The following SH2D3C variants were observed in gnomAD, a reference collection of about 807,000 sequenced individuals.
SH2D3C encodes the protein SH2 domain containing 3C, also known as SH2 domain-containing protein 3C.
A neutral mutation model predicts 75.2 loss-of-function variants in SH2D3C; 25 were observed. The observed-to-expected ratio is 0.33, with a 90% CI of 0.24 to 0.46. The LOEUF (loss-of-function observed/expected upper bound fraction) is 0.46. Among genes scored for constraint, SH2D3C ranks in the 20% least tolerant of loss-of-function variants. The probability of loss-of-function intolerance (pLI) is 1.00; values close to 1 mark genes in which losing one functional copy is unlikely to be tolerated. For synonymous variants in SH2D3C, 450 were observed against 473.7 expected (o/e 0.95, Z 0.65); for missense variants, 933 against 1,165.3 (o/e 0.80, Z 2.90).
At chr9:127,752,469 G>A (rs1355683719) in intron 3 of SH2D3C, among the ~76,000 whole-genome samples, 1 of 152,130 alleles carries the variant, frequency 6.6e-6, no homozygotes, top group Non-Finnish European at 1.5e-5. Flanking sequence ...CAGAAGGCAG[G>A]ACAGATGAGG....
Position 127,761,655 on chromosome 9 carries a change from A to G in SH2D3C, c.516-5T>C. 1 of 1,610,854 alleles carries G rather than the reference A, an allele frequency of 6.2e-7. No individual in the cohort carries two copies. Among genetic ancestry groups the G allele is most frequent in the Non-Finnish European group, 8.5e-7 (1 of 1,178,378 alleles). On this transcript the variant is annotated splice_region_variant and splice_polypyrimidine_tract_variant and intron_variant, in intron 2 of 11. Transcript: ENST00000314830. ...GCCTCTGGCTCTCCAGCAGCCCTGG[A>G]AGGAGAAAAGACAAGTGAGCATCCC...
At chr9:127,740,458 G>A in intron 9 of SH2D3C, 89 bp from the exon 10 acceptor site, 3 of 830,348 alleles carry the variant, frequency 3.6e-6, no homozygotes, top group Non-Finnish European at 4.1e-6. Context: ...CCAGATGTGG[G>A]ATCGTTATTA....
rs1228919915 is a variant in SH2D3C, at chr9:127,749,237, G to A, written c.1113C>T (p.Val371=). The part of the protein sequence containing the change: ...TMTDGLTADK[V]TRSDGCPTST... ...TGGTGGGGCAGCCATCGCTGCGGGT[G>A]ACCTTGTCAGCAGTGAGCCCATCGG... The change falls in exon 5 of 12, where the codon GTC becomes GTT. Residue 371 remains valine, a synonymous_variant. Coordinates refer to ENST00000314830, the MANE Select transcript of SH2D3C (RefSeq NM_170600.3). This position sits in a 1 kb window ranked among gnomAD's most constrained non-coding sequence, Gnocchi z 5.9. The A allele has an allele frequency of 3.2e-6, 5 of 1,571,332 alleles. No individual in the cohort carries two copies. The East Asian group carries it at 6.8e-5, about 21-fold the overall frequency.
chr9:127,741,529 A>G (rs112877223), intron 9 of SH2D3C, among the ~76,000 whole-genome samples: 5,956 of 152,202 alleles, frequency 0.039, 155 homozygotes, highest in African/African-American at 0.075. Flanking sequence ...GAGCCACGGC[A>G]CCCGGCCTAT....
intron 6 of SH2D3C, 45 bp from the exon 7 acceptor site, chr9:127,745,144 C>T: frequency 3.5e-6 from 5 of 1,440,130 alleles, no homozygotes; most frequent in Non-Finnish European, 4.6e-6. Flanking sequence ...CAGCTCCCCA[C>T]CAAAGTGAGA....
Position 127,749,979 on chromosome 9 carries a change from T to C in SH2D3C, c.685-314A>G, listed in dbSNP as rs1845151041. ...GAATGGCTGTGACCTGAGACCCAGGTCTCAGACCCATCCCTTCTCAGGGTT... is the reference window on the plus strand; with the variant it reads ...GAATGGCTGTGACCTGAGACCCAGGCCTCAGACCCATCCCTTCTCAGGGTT... On this transcript the variant is annotated intron_variant, in intron 4 of 11. Coordinates refer to ENST00000314830, the MANE Select transcript of SH2D3C (RefSeq NM_170600.3). This position sits in a 1 kb window ranked among gnomAD's most constrained non-coding sequence, Gnocchi z 5.9. 6.6e-6 allele frequency among the ~76,000 whole-genome samples: 1 copy of C among 151,890 alleles called. No homozygotes were observed. The highest frequency in any genetic ancestry group is 1.5e-5 in the Non-Finnish European group (1 of 67,964).
At chr9:127,777,075 C>G (rs949412811) in intron 1 of SH2D3C, among the ~76,000 whole-genome samples, 1 of 152,172 alleles carries the variant, frequency 6.6e-6, no homozygotes, top group Non-Finnish European at 1.5e-5. Flanking sequence ...CTCAATAGCC[C>G]GTGTGACCTC....
Position 127,749,162 on chromosome 9 carries a change from G to T in SH2D3C, c.1139+49C>A. 1 of 1,316,330 alleles carries T rather than the reference G, an allele frequency of 7.6e-7. No homozygotes were observed. Among genetic ancestry groups the T allele is most frequent in the Non-Finnish European group, 1.0e-6 (1 of 955,228 alleles). The allele number at this position is 1,316,330 out of a possible 1,614,324, so 81.5% of individuals were successfully genotyped here. On this transcript the variant is annotated intron_variant, in intron 5 of 11. Transcript: ENST00000314830. The surrounding 1 kb of genome is among the most constrained non-coding windows in gnomAD (Gnocchi z 5.9). ...TACCTAGGCCTTCTCTTTCTCACTA[G>T]CCCTCTCATTACCCACAACCCCATT...
intron 10 of SH2D3C, 148 bp from the exon 11 acceptor site, chr9:127,740,036 T>C (rs898846532): frequency 4.6e-6 from 4 of 865,742 alleles, no homozygotes; most frequent in Non-Finnish European, 7.0e-6. Context: ...GACAAACCCT[T>C]TCTTTCGGAT....
rs1222490590 is a variant in SH2D3C, at chr9:127,749,637, C to T, written c.713G>A (p.Gly238Asp). The T allele has an allele frequency of 1.3e-6, 2 of 1,567,334 alleles. No homozygotes were observed. The highest frequency in any genetic ancestry group is 1.7e-6 in the Non-Finnish European group (2 of 1,159,476). ...GAGTGAGTCCCGGATGAGGAAGTCG[C>T]CGTTGCGTTGTACCAAGGTCTCCGA... ...EVSETLVQRN[G>D]DFLIRDSLTS... The change falls in exon 5 of 12, where the codon GGC becomes GAC. Residue 238 changes from glycine (G) to aspartate (D), a missense_variant. Physicochemically the swap from Gly to Asp is moderately conservative, Grantham distance 94. Transcript: ENST00000314830. This position sits in a 1 kb window ranked among gnomAD's most constrained non-coding sequence, Gnocchi z 5.9.
At chr9:127,759,982 CAA>C (rs562011072) in intron 3 of SH2D3C, among the ~76,000 whole-genome samples, 3 of 111,824 alleles carry the variant, frequency 2.7e-5, no homozygotes, top group Non-Finnish European at 3.8e-5. Context: ...GACTCCGTCT[CAA>C]AAAAAAAAAA....
chr9:127,761,289 G>C (rs543542436), intron 3 of SH2D3C, among the ~76,000 whole-genome samples: 32 of 152,362 alleles, frequency 2.1e-4, no homozygotes, highest in African/African-American at 7.2e-4. Flanking sequence ...CAAAGATTGG[G>C]TGGGATTGGA....
intron 2 of SH2D3C, among the ~76,000 whole-genome samples, chr9:127,768,155 C>T (rs534877792): frequency 2.0e-5 from 3 of 152,290 alleles, no homozygotes; most frequent in East Asian, 1.9e-4. Context: ...TGCACAGACA[C>T]GGCCCACCAC....
chr9:127,762,862 T>C (rs1421083367), intron 2 of SH2D3C, among the ~76,000 whole-genome samples: 1 of 152,214 alleles, frequency 6.6e-6, no homozygotes, highest in Non-Finnish European at 1.5e-5. Flanking sequence ...CAATTTATCA[T>C]CCAAACCAGA....
chr9:127,763,998 C>T (rs995568214), intron 2 of SH2D3C, among the ~76,000 whole-genome samples: 10 of 152,174 alleles, frequency 6.6e-5, no homozygotes, highest in South Asian at 6.2e-4. Flanking sequence ...CCACTCTTCC[C>T]GGGTGAGGCA....
At chr9:127,777,511 C>G (rs1309830841) in intron 1 of SH2D3C, among the ~76,000 whole-genome samples, 1 of 149,940 alleles carries the variant, frequency 6.7e-6, no homozygotes, top group East Asian at 2.0e-4. Flanking sequence ...ATGCCCCCAT[C>G]CCCCTGCTGC....
chr9:127,739,633 G>A lies in SH2D3C; in HGVS notation c.2407+49C>T, dbSNP rs770491443. 10 of 1,526,246 alleles carry A rather than the reference G, an allele frequency of 6.6e-6. No individual in the cohort carries two copies. The African/African-American group carries it at 1.4e-4, about 21-fold the overall frequency. 94.5% of individuals were successfully genotyped at this position (1,526,246 alleles called of 1,614,324 possible). On this transcript the variant is annotated intron_variant, in intron 11 of 11. Transcript: ENST00000314830. The surrounding 1 kb of genome is among the most constrained non-coding windows in gnomAD (Gnocchi z 4.3). ...GAAAAGGGAAGCAGTGAGGCAGGTG[G>A]AGGGAGGCCCAGGCCTGCAAGCCCC...
Position 127,749,452 on chromosome 9 carries a change from G to C in SH2D3C, c.898C>G (p.His300Asp). 6.2e-7 allele frequency: 1 copy of C among 1,614,218 alleles called. No individual in the cohort carries two copies. Among genetic ancestry groups the C allele is most frequent in the Non-Finnish European group, 8.5e-7 (1 of 1,180,042 alleles). ...GACACAGCCTTGCGGCTGCCCACAT[G>C]ATAGCGCACGAGGGCGGGCACGTGG... ...FDHVPALVRY[H>D]VGSRKAVSEQ... The change falls in exon 5 of 12, where the codon CAT (histidine) becomes GAT (aspartate). Residue 300 changes from histidine to aspartate, a missense_variant. His to Asp is a moderately conservative substitution (Grantham distance 81, BLOSUM62 -1). Coordinates refer to ENST00000314830, the MANE Select transcript of SH2D3C (RefSeq NM_170600.3). This position sits in a 1 kb window ranked among gnomAD's most constrained non-coding sequence, Gnocchi z 5.9.
intron 1 of SH2D3C, among the ~76,000 whole-genome samples, chr9:127,778,179 G>A (rs1829062955): frequency 6.6e-6 from 1 of 151,680 alleles, no homozygotes; most frequent in Non-Finnish European, 1.5e-5. Context: ...AGTAGAGAGG[G>A]GTTTCACCAT....
Sources: allele counts gnomAD v4.1 joint callset (sites outside exome capture counted in the v4.1 genomes callset), GRCh38; gene constraint gnomAD v4.1.1; non-coding constraint Gnocchi (gnomAD v3.1); transcripts MANE v1.5; gene names NCBI Gene and HGNC (gene_info 2026-07-23, HGNC 2026-07-21).